NETO1: variants seen among roughly 807,000 people sequenced by gnomAD.
NETO1 encodes the protein neuropilin and tolloid like 1.
NETO1 carries 26 observed loss-of-function variants against 61.3 expected under a neutral mutation model. That is an observed-to-expected ratio of 0.42 (90% CI 0.31 to 0.59). The LOEUF is 0.59. NETO1 is among the 20% of genes least tolerant of loss of function. The pLI is 0.12. For missense variants in NETO1, 531 were observed against 662.8 expected (o/e 0.80, Z 2.18); for synonymous variants, 225 against 225.8 (o/e 1.00, Z 0.03).
Position 72,864,917 on chromosome 18 carries a change from C to T in NETO1, c.111G>A (p.Lys37=). The T allele has an allele frequency of 6.2e-7, 1 of 1,602,058 alleles. No individual in the cohort carries two copies. Among genetic ancestry groups the T allele is most frequent in the East Asian group, 2.2e-5 (1 of 44,752 alleles). Residue 37 remains lysine (K), a synonymous_variant, in exon 3 of 11, where the codon AAG becomes AAA. Transcript: ENST00000327305. ...TEKQTTSETQ[K]SVQCGTWTKH... ...TTGTCCAAGTTCCACACTGCACTGA[C>T]TTCTGTGTTTCTGAGGTGGTTTGCT...
intron 3 of NETO1, among the ~76,000 whole-genome samples, chr18:72,860,355 G>T (rs2145653806): frequency 6.6e-6 from 1 of 152,234 alleles, no homozygotes; most frequent in East Asian, 1.9e-4. Context: ...ACACCCCATT[G>T]CTTCTTAAAT....
chr18:72,772,675 C>A (rs181330548), intron 7 of NETO1, among the ~76,000 whole-genome samples: 4 of 150,044 alleles, frequency 2.7e-5, no homozygotes, highest in African/African-American at 4.9e-5. Flanking sequence ...TCTGAGACAG[C>A]CTTTCTTTCT....
chr18:72,867,152 T>G, intron 1 of NETO1, 112 bp downstream of exon 1: 1 of 771,684 alleles, frequency 1.3e-6, no homozygotes, highest in Middle Eastern at 3.3e-4. Context: ...CGCGCGGGAC[T>G]GCAGGGTCCG....
At chr18:72,809,587 C>T (rs1031608036) in intron 4 of NETO1, among the ~76,000 whole-genome samples, 4 of 152,156 alleles carry the variant, frequency 2.6e-5, no homozygotes, top group Admixed American at 1.3e-4. Context: ...ATTCAGATTT[C>T]GAACCTCTTC....
intron 4 of NETO1, among the ~76,000 whole-genome samples, chr18:72,856,972 C>G (rs1438624522): frequency 2.6e-5 from 4 of 152,238 alleles, no homozygotes; most frequent in African/African-American, 9.6e-5. Context: ...TTCCCACTTC[C>G]TATTTCAATA....
chr18:72,836,011 G>A (rs1398347831), intron 4 of NETO1, among the ~76,000 whole-genome samples: 2 of 152,148 alleles, frequency 1.3e-5, no homozygotes, highest in Non-Finnish European at 2.9e-5. Context: ...GTAGGAAGAG[G>A]GAAGGGGTAA....
chr18:72,864,780 T>C, intron 3 of NETO1, 28 bp downstream of exon 3: 1 of 1,613,852 alleles, frequency 6.2e-7, no homozygotes, highest in Non-Finnish European at 8.5e-7. Context: ...CTTAGTGCTT[T>C]CTTAACTCTG....
At chr18:72,789,472 G>A (rs1226947557) in intron 6 of NETO1, among the ~76,000 whole-genome samples, 2 of 152,050 alleles carry the variant, frequency 1.3e-5, no homozygotes, top group East Asian at 3.9e-4. Context: ...GGAGATAAAA[G>A]CAGGCTCAAT....
rs961649616 is a variant in NETO1 at position 72,747,042 on chromosome 18, C to G, written c.*1137G>C. ...TTAAAGCAGTTTTAAAAAGAGTTCCCTATTCTAAAAGAAGAAAATATTCCC... is the reference window on the plus strand; with the variant it reads ...TTAAAGCAGTTTTAAAAAGAGTTCCGTATTCTAAAAGAAGAAAATATTCCC... On this transcript the variant is annotated 3_prime_UTR_variant, in exon 11 of 11. Transcript: ENST00000327305. The G allele has an allele frequency of 6.6e-6, 1 of 151,934 alleles. No individual in the cohort carries two copies. The highest frequency in any genetic ancestry group is 2.1e-4 in the South Asian group (1 of 4,814). The allele number at this position is 151,934 out of a possible 1,614,324, so 9.4% of individuals were successfully genotyped here. A position where few individuals can be genotyped will look rare whatever the true frequency, so the allele number is the denominator to read the frequency against.
intron 7 of NETO1, among the ~76,000 whole-genome samples, chr18:72,771,451 T>G (rs1487836194): frequency 6.6e-6 from 1 of 152,128 alleles, no homozygotes; most frequent in South Asian, 2.1e-4. Flanking sequence ...CACACTTGAG[T>G]TGAATCTGAG....
intron 6 of NETO1, among the ~76,000 whole-genome samples, chr18:72,789,355 G>A (rs1211411099): frequency 1.3e-5 from 2 of 152,004 alleles, no homozygotes; most frequent in African/African-American, 2.4e-5. Flanking sequence ...TTGAAAATAT[G>A]AGAGTATAAA....
At chr18:72,793,949 G>A (rs919835211) in intron 6 of NETO1, among the ~76,000 whole-genome samples, 168 bp downstream of exon 6, 2 of 152,166 alleles carry the variant, frequency 1.3e-5, no homozygotes, top group African/African-American at 4.8e-5. Context: ...ATCAAATTTA[G>A]ATTGGACAAG....
intron 4 of NETO1, among the ~76,000 whole-genome samples, chr18:72,818,182 G>C (rs1476329216): frequency 6.6e-6 from 1 of 152,162 alleles, no homozygotes; most frequent in African/African-American, 2.4e-5. Flanking sequence ...TACACATAGA[G>C]TGATAATTGT....
At chr18:72,766,220 ATGTGTGTGTGTGTGTGTG>A (rs34670401) in intron 7 of NETO1, among the ~76,000 whole-genome samples, 9 of 144,762 alleles carry the variant, frequency 6.2e-5, no homozygotes, top group Non-Finnish European at 1.4e-4. Flanking sequence ...AAAAAAAAAT[ATGTGTGTGTGTGTGTGTG>A]TGTGTGTGTG....
intron 8 of NETO1, among the ~76,000 whole-genome samples, chr18:72,755,574 G>C (rs988174730): frequency 6.6e-6 from 1 of 152,112 alleles, no homozygotes; most frequent in African/African-American, 2.4e-5. Context: ...AAGCATTTTC[G>C]TAGCAAAACT....
chr18:72,743,569 T>C (rs543636948), downstream of NETO1, among the ~76,000 whole-genome samples: 29 of 152,208 alleles, frequency 1.9e-4, no homozygotes, highest in Non-Finnish European at 3.4e-4. Context: ...ATTTTCCTTA[T>C]ACAGCTCCTG....
intron 4 of NETO1, among the ~76,000 whole-genome samples, chr18:72,824,903 T>G (rs988703548): frequency 4.6e-5 from 7 of 151,808 alleles, no homozygotes; most frequent in African/African-American, 7.3e-5. Context: ...TAATAAAAAT[T>G]TAAAAATAAA....
At chr18:72,809,049 T>C (rs2072775946) in intron 4 of NETO1, among the ~76,000 whole-genome samples, 1 of 152,236 alleles carries the variant, frequency 6.6e-6, no homozygotes, top group Non-Finnish European at 1.5e-5. Flanking sequence ...TAAAAGTAAA[T>C]GTGTCCTTTT....
At chr18:72,772,788 T>C (rs1235045674) in intron 7 of NETO1, among the ~76,000 whole-genome samples, 2 of 115,758 alleles carry the variant, frequency 1.7e-5, no homozygotes, top group Non-Finnish European at 3.6e-5. Context: ...CAGATCTCTA[T>C]ATAGTTCTCT....
Sources: allele counts gnomAD v4.1 joint callset (sites outside exome capture counted in the v4.1 genomes callset), GRCh38; gene constraint gnomAD v4.1.1; transcripts MANE v1.5; gene names NCBI Gene and HGNC (gene_info 2026-07-23, HGNC 2026-07-21).